The following USP10 variants were observed in gnomAD, a reference collection of about 807,000 sequenced individuals.
The protein encoded by USP10 is ubiquitin carboxyl-terminal hydrolase 10.
Under a neutral mutation model 84.5 loss-of-function variants are expected in USP10, and 22 were observed. The observed-to-expected ratio is 0.26, with a 90% CI of 0.19 to 0.37. USP10 has a LOEUF of 0.37. Ranked by LOEUF, USP10 falls within the 10% of genes least tolerant of loss-of-function variation. The pLI is 1.00. For synonymous variants in USP10, 454 were observed against 387.6 expected, an observed-to-expected ratio of 1.17 and a Z score of -2.01; for missense variants, 1,019 against 998.9, an observed-to-expected ratio of 1.02 and a Z score of -0.27.
chr16:84,743,281 C>T (rs1910834418), intron 3 of USP10, among the ~76,000 whole-genome samples: 1 of 152,172 alleles, frequency 6.6e-6, no homozygotes, highest in African/African-American at 2.4e-5. Flanking sequence ...GGAACTTTCT[C>T]TTGTTGGGGC....
At chr16:84,732,251 T>G (rs1450318806) in intron 1 of USP10, among the ~76,000 whole-genome samples, 1 of 152,194 alleles carries the variant, frequency 6.6e-6, no homozygotes, top group Non-Finnish European at 1.5e-5. Flanking sequence ...ACTTGGCTTG[T>G]AAATTTCCCT....
intron 1 of USP10, among the ~76,000 whole-genome samples, chr16:84,727,527 T>C (rs1052776085): frequency 6.6e-6 from 1 of 152,150 alleles, no homozygotes; most frequent in African/African-American, 2.4e-5. Flanking sequence ...ACTTGAAAAG[T>C]TGCGGAAAGA....
In USP10 at chr16:84,711,550, C is replaced by G. The variant is rs112097874; in HGVS notation, c.21+11439C>G. On this transcript the variant is annotated intron_variant, in intron 1 of 13. Coordinates refer to ENST00000219473, the MANE Select transcript of USP10 (RefSeq NM_005153.3). The stretch of plus-strand genomic sequence containing the variant: ...CATGGATTCGTCAGGTGAGGAAATT[C>G]TAGTCTCTAGTTTTTCCCAAACTGG... Among the ~76,000 whole-genome samples the G allele has an allele frequency of 2.0e-3, 306 of 152,270 alleles. 3 individuals are homozygous for G. The highest frequency in any genetic ancestry group is 3.8e-3 in the Admixed American group (58 of 15,292).
intron 1 of USP10, among the ~76,000 whole-genome samples, chr16:84,723,786 A>C (rs965142008): frequency 3.3e-5 from 5 of 152,212 alleles, no homozygotes; most frequent in African/African-American, 1.2e-4. Flanking sequence ...ATTTCCATGA[A>C]TTTTAACAGA....
Position 84,759,926 on chromosome 16 carries a change from T to C in USP10, c.1430T>C (p.Val477Ala). 6.2e-7 allele frequency: 1 copy of C among 1,614,032 alleles called. No homozygotes were observed. Among genetic ancestry groups the C allele is most frequent in the Non-Finnish European group, 8.5e-7 (1 of 1,179,882 alleles). Residue 477 changes from valine to alanine, a missense_variant, in exon 7 of 14, where the codon GTA (valine) becomes GCA (alanine). Physicochemically the swap from Val to Ala is moderately conservative, Grantham distance 64 (BLOSUM62 0). Transcript: ENST00000219473. ...ATGAATGAGTTCACTAATATGCCAGTACCTCCAAAACCCCGACAAGGTTAG... is the reference window on the plus strand; with the variant it reads ...ATGAATGAGTTCACTAATATGCCAGCACCTCCAAAACCCCGACAAGGTTAG... ...RLMNEFTNMPVPPKPRQALGD... is the reference protein window; with the variant it reads ...RLMNEFTNMPAPPKPRQALGD...
intron 1 of USP10, among the ~76,000 whole-genome samples, chr16:84,727,495 C>T (rs928340008): frequency 2.0e-5 from 3 of 151,826 alleles, no homozygotes; most frequent in African/African-American, 7.3e-5. Flanking sequence ...AACAAAAACT[C>T]TTTATTTGCA....
chr16:84,757,036 A>C (rs1393267918), intron 4 of USP10, among the ~76,000 whole-genome samples: 1 of 152,178 alleles, frequency 6.6e-6, no homozygotes, highest in Non-Finnish European at 1.5e-5. Flanking sequence ...CAGTTTTCTC[A>C]TCTGTAAAAT....
At chr16:84,744,590 T>G in intron 3 of USP10, 43 bp from the exon 4 acceptor site, 1 of 1,511,984 alleles carries the variant, frequency 6.6e-7, no homozygotes, top group East Asian at 2.3e-5. Flanking sequence ...TACTTAGAGT[T>G]TGTAGAACTG....
At chr16:84,769,531 G>A (rs1345616851) in intron 11 of USP10, among the ~76,000 whole-genome samples, 1 of 151,954 alleles carries the variant, frequency 6.6e-6, no homozygotes, top group Non-Finnish European at 1.5e-5. Context: ...AGAGAGAGAG[G>A]GAAAAAGTGG....
intron 1 of USP10, among the ~76,000 whole-genome samples, chr16:84,704,126 A>T (rs115074717): frequency 6.6e-6 from 1 of 152,242 alleles, no homozygotes; most frequent in Non-Finnish European, 1.5e-5. Context: ...ATCATCTCCA[A>T]TTGAATTAGT....
chr16:84,721,358 C>T (rs16974449), intron 1 of USP10, among the ~76,000 whole-genome samples: 1 of 151,974 alleles, frequency 6.6e-6, no homozygotes, highest in African/African-American at 2.4e-5. Context: ...AGGAATTATT[C>T]TTCTGTAAAT....
At chr16:84,755,437 C>G (rs933076765) in intron 4 of USP10, among the ~76,000 whole-genome samples, 14 of 151,660 alleles carry the variant, frequency 9.2e-5, no homozygotes, top group African/African-American at 3.4e-4. Context: ...TTGCTGTCTT[C>G]ACTCCTACAC....
At chr16:84,739,061 C>CTTT in intron 2 of USP10, among the ~76,000 whole-genome samples, 1 of 141,360 alleles carries the variant, frequency 7.1e-6, no homozygotes, top group East Asian at 2.2e-4. Context: ...TCTTCCTAAA[C>CTTT]CTTTTTTTTT....
intron 4 of USP10, among the ~76,000 whole-genome samples, chr16:84,753,227 C>G (rs1912138994): frequency 1.3e-5 from 2 of 152,122 alleles, no homozygotes; most frequent in Non-Finnish European, 2.9e-5. Context: ...AGTGATCTTC[C>G]TGCCATAGCC....
At chr16:84,706,883 G>T (rs145199444) in intron 1 of USP10, among the ~76,000 whole-genome samples, 2 of 151,366 alleles carry the variant, frequency 1.3e-5, no homozygotes, top group African/African-American at 4.8e-5. Context: ...TAGGCTTTCT[G>T]GGTAGATCTG....
chr16:84,747,498 A>T (rs923067329), intron 4 of USP10, among the ~76,000 whole-genome samples: 5 of 151,320 alleles, frequency 3.3e-5, no homozygotes, highest in African/African-American at 4.9e-5. Context: ...AAATGAGCAA[A>T]TGATAGGCCA....
chr16:84,779,609 A>T lies in USP10; in HGVS notation c.*527A>T, dbSNP rs1327052390. Reference sequence around the variant, plus strand: ...AAATAAGTTGCTGGTTCCTAACAGGAAAAATTTTAATAATTGTACTGAGAG... The same window carrying T: ...AAATAAGTTGCTGGTTCCTAACAGGTAAAATTTTAATAATTGTACTGAGAG... On this transcript the variant is annotated 3_prime_UTR_variant, in exon 14 of 14. Coordinates refer to ENST00000219473, the MANE Select transcript of USP10 (RefSeq NM_005153.3). The T allele has an allele frequency of 6.5e-6, 1 of 153,126 alleles. No homozygotes were observed. The highest frequency in any genetic ancestry group is 1.9e-4 in the East Asian group (1 of 5,208). 9.5% of individuals were successfully genotyped at this position (153,126 alleles called of 1,614,324 possible).
At chr16:84,718,192 G>A (rs1225465165) in intron 1 of USP10, among the ~76,000 whole-genome samples, 2 of 152,132 alleles carry the variant, frequency 1.3e-5, no homozygotes, top group Non-Finnish European at 2.9e-5. Context: ...GCAAATGAGA[G>A]ATGAGTTTAA....
At chr16:84,774,590 C>T (rs1914791180) in intron 12 of USP10, among the ~76,000 whole-genome samples, 1 of 151,888 alleles carries the variant, frequency 6.6e-6, no homozygotes, top group Non-Finnish European at 1.5e-5. Context: ...CCTGCCTCAG[C>T]CTCCCGAGTA....
Sources: allele counts gnomAD v4.1 joint callset (sites outside exome capture counted in the v4.1 genomes callset), GRCh38; gene constraint gnomAD v4.1.1; transcripts MANE v1.5; gene names NCBI Gene and HGNC (gene_info 2026-07-23, HGNC 2026-07-21).